The following COL10A1 variants were observed in gnomAD, a reference collection of about 807,000 sequenced individuals.
COL10A1 encodes the protein collagen alpha-1(X) chain.
In COL10A1, 10 loss-of-function variants were observed where a neutral mutation model predicts 18.2. That is an observed-to-expected ratio of 0.55 (90% CI 0.34 to 0.93). The LOEUF is 0.93. COL10A1 is among the 40% of genes least tolerant of loss of function. The pLI, the probability that COL10A1 is intolerant of heterozygous loss-of-function variation, is 0.02. For missense variants in COL10A1, 897 were observed against 853.5 expected, an observed-to-expected ratio of 1.05 and a Z score of -0.64; for synonymous variants, 330 against 316.6, an observed-to-expected ratio of 1.04 and a Z score of -0.45.
intron 1 of COL10A1, chr6:116,145,422 C>A: frequency 2.8e-6 from 1 of 358,904 alleles, no homozygotes; most frequent in South Asian, 2.2e-5. Flanking sequence ...TTTTTCTGTT[C>A]TTTATTATCT....
intron 1 of COL10A1, among the ~76,000 whole-genome samples, chr6:116,145,988 CCTTA>C (rs1314689082): frequency 1.3e-5 from 2 of 152,182 alleles, no homozygotes; most frequent in African/African-American, 4.8e-5. Context: ...AGAAATCTTT[CCTTA>C]CTTACTTCTG....
the COL10A1 span, among the ~76,000 whole-genome samples, chr6:116,164,302 ATCT>A: frequency 4.6e-5 from 7 of 152,054 alleles, no homozygotes; most frequent in African/African-American, 1.7e-4. Flanking sequence ...GGATAGTTAA[ATCT>A]TCTTATTGAG....
the COL10A1 span, among the ~76,000 whole-genome samples, chr6:116,194,718 A>G: frequency 6.6e-6 from 1 of 152,088 alleles, no homozygotes; most frequent in Non-Finnish European, 1.5e-5. Context: ...TATATTATTT[A>G]GAGTTTTGAA....
intron 1 of COL10A1, chr6:116,125,763 G>A (rs2782351): frequency 6.2e-6 from 2 of 321,060 alleles, no homozygotes; most frequent in African/African-American, 4.4e-5. Context: ...ACAGAAATTA[G>A]GATTGGATGT....
intron 2 of COL10A1, among the ~76,000 whole-genome samples, chr6:116,124,851 T>TG (rs1562127012): frequency 6.6e-6 from 1 of 152,176 alleles, no homozygotes; most frequent in Admixed American, 6.5e-5. Flanking sequence ...TGTTCATTGT[T>TG]GGGGGGGAGG....
chr6:116,211,104 A>C, the COL10A1 span, among the ~76,000 whole-genome samples: 1 of 152,050 alleles, frequency 6.6e-6, no homozygotes, highest in Non-Finnish European at 1.5e-5. Flanking sequence ...GGGGAAACCC[A>C]CCGCCACTTA....
At chr6:116,144,704 A>T (rs908321273) in intron 1 of COL10A1, among the ~76,000 whole-genome samples, 1 of 152,178 alleles carries the variant, frequency 6.6e-6, no homozygotes, top group Non-Finnish European at 1.5e-5. Flanking sequence ...TGTTTGTTAG[A>T]CTTCACACCA....
At chr6:116,169,570 T>G in the COL10A1 span, among the ~76,000 whole-genome samples, 1 of 152,252 alleles carries the variant, frequency 6.6e-6, no homozygotes, top group Non-Finnish European at 1.5e-5. Context: ...TGCATACTGA[T>G]CAACTATATG....
intron 1 of COL10A1, among the ~76,000 whole-genome samples, chr6:116,136,603 G>A (rs550487144): frequency 1.3e-5 from 2 of 152,200 alleles, no homozygotes; most frequent in South Asian, 4.2e-4. Flanking sequence ...ATAAATTGCT[G>A]TTATTATTTG....
the COL10A1 span, among the ~76,000 whole-genome samples, chr6:116,190,495 T>C: frequency 6.6e-6 from 1 of 151,984 alleles, no homozygotes; most frequent in Non-Finnish European, 1.5e-5. Flanking sequence ...CAGTGGTATC[T>C]GGAGAAAACA....
the COL10A1 span, among the ~76,000 whole-genome samples, chr6:116,171,816 G>A: frequency 6.6e-6 from 1 of 152,212 alleles, no homozygotes; most frequent in Non-Finnish European, 1.5e-5. Flanking sequence ...TTGCATAAAT[G>A]TGCAATTTGT....
the COL10A1 span, among the ~76,000 whole-genome samples, chr6:116,192,437 G>T: frequency 6.6e-6 from 1 of 151,950 alleles, no homozygotes; most frequent in African/African-American, 2.4e-5. Flanking sequence ...TTTAAAAAGA[G>T]AAAATTAGTA....
chr6:116,212,107 A>G, the COL10A1 span, among the ~76,000 whole-genome samples: 1 of 152,104 alleles, frequency 6.6e-6, no homozygotes, highest in African/African-American at 2.4e-5. Context: ...TATTTTATCA[A>G]TTCTTTTTCA....
the COL10A1 span, among the ~76,000 whole-genome samples, chr6:116,188,702 T>C: frequency 3.3e-5 from 4 of 120,858 alleles, no homozygotes; most frequent in African/African-American, 1.5e-4. Flanking sequence ...CTGGAAATTT[T>C]CTACTTTTTT....
chr6:116,155,629 G>A lies in COL10A1; in HGVS notation c.-16+2985C>T, dbSNP rs140695408. 1.1e-3 allele frequency among the ~76,000 whole-genome samples: 162 copies of A among 152,034 alleles called. 1 individual carries two copies. Among genetic ancestry groups the A allele is most frequent in the African/African-American group, 3.7e-3 (154 of 41,494 alleles). Reference sequence around the variant, plus strand: ...GGTCAATGAAATTACATATGAGTGAGGTTACTCCATTACAACATAGGTTGT... The same window carrying A: ...GGTCAATGAAATTACATATGAGTGAAGTTACTCCATTACAACATAGGTTGT... On this transcript the variant is annotated intron_variant, in intron 1 of 1. Coordinates refer to the COL10A1 transcript ENST00000418500.
rs1779058771 is a variant in COL10A1 at position 116,119,980 on chromosome 6, C to A, written c.*93G>T. The A allele has an allele frequency of 1.8e-6, 2 of 1,126,482 alleles. No individual in the cohort carries two copies. Among genetic ancestry groups the A allele is most frequent in the South Asian group, 1.3e-5 (1 of 79,080 alleles). 69.8% of individuals were successfully genotyped at this position (1,126,482 alleles called of 1,614,324 possible). On this transcript the variant is annotated 3_prime_UTR_variant, in exon 3 of 3. Coordinates refer to ENST00000651968, the MANE Select transcript of COL10A1 (RefSeq NM_000493.4). ...TATTTCAGAAAATAAAAATTACATT[C>A]TTTTCAGCCTACCTCCATATGCATT... is the stretch of plus-strand genomic sequence containing the variant.
At position 116,121,434 on chromosome 6, in the gene COL10A1, G is replaced by A. The variant is rs749457223; in HGVS notation, c.682C>T (p.Pro228Ser). ...TCACCTTTGATGCCTGGCTGTCCTGGAACCCCATTTTCACCTCTTTTTCCC... is the reference window on the plus strand; with the variant it reads ...TCACCTTTGATGCCTGGCTGTCCTGAAACCCCATTTTCACCTCTTTTTCCC... ...GVGKRGENGV[P>S]GQPGIKGDRG... Residue 228 changes from proline to serine, a missense_variant, in exon 3 of 3, where the codon CCA (proline) becomes TCA (serine). Physicochemically the swap from Pro to Ser is moderately conservative, Grantham distance 74 (BLOSUM62 -1). Coordinates refer to ENST00000651968, the MANE Select transcript of COL10A1 (RefSeq NM_000493.4). 17 of 1,613,970 alleles carry A rather than the reference G, an allele frequency of 1.1e-5. No individual in the cohort carries two copies. In the Admixed American group the frequency reaches 2.8e-4, roughly 27 times the overall value.
the COL10A1 span, among the ~76,000 whole-genome samples, chr6:116,214,979 G>T: frequency 1.3e-5 from 2 of 152,034 alleles, no homozygotes; most frequent in Non-Finnish European, 2.9e-5. Flanking sequence ...TCTCTAGGGT[G>T]GGGGGCATAG....
chr6:116,163,337 C>A (rs1478201207), upstream of COL10A1, among the ~76,000 whole-genome samples: 1 of 151,292 alleles, frequency 6.6e-6, no homozygotes, highest in Non-Finnish European at 1.5e-5. Context: ...TAATTTCCCC[C>A]TGGTTCAATC....
Sources: gnomAD v4.1 joint callset for allele counts (sites outside exome capture counted in the v4.1 genomes callset) on GRCh38, gnomAD v4.1.1 for gene constraint, MANE v1.5 for transcripts, NCBI Gene and HGNC (gene_info 2026-07-23, HGNC 2026-07-21) for gene names.